The following TRAM1 variants were observed in gnomAD, a reference collection of about 807,000 sequenced individuals.
TRAM1 encodes the protein translocating chain-associated membrane protein 1.
A neutral mutation model predicts 48.7 loss-of-function variants in TRAM1; 17 were observed. The ratio of observed to expected loss-of-function variants is 0.35; its 90% CI spans 0.24 to 0.52. The LOEUF (loss-of-function observed/expected upper bound fraction) is 0.52, where lower values mean the gene tolerates loss of function less well. TRAM1 is among the 20% of genes least tolerant of loss of function. TRAM1 has a pLI of 0.94. For synonymous variants in TRAM1, 182 were observed against 154.0 expected (o/e 1.18, Z -1.34); for missense variants, 351 against 441.5 (o/e 0.79, Z 1.84).
Position 70,580,527 on chromosome 8 carries a change from AG to A in TRAM1, c.1051+2636del, listed in dbSNP as rs983140193. On this transcript the variant is annotated intron_variant, in intron 10 of 10. Coordinates refer to ENST00000262213, the MANE Select transcript of TRAM1 (RefSeq NM_014294.6). The stretch of plus-strand genomic sequence containing the variant: ...CAACCTTCCATGATAAAAACAAACT[AG>A]GAATCAGAGGGGAACTTCCTCAACC... Among the ~76,000 whole-genome samples the A allele has an allele frequency of 2.6e-4, 40 of 152,346 alleles. 1 individual carries two copies. Among genetic ancestry groups the A allele is most frequent in the African/African-American group, 9.4e-4 (39 of 41,576 alleles).
chr8:70,577,936 A>G (rs1460512511), intron 10 of TRAM1, among the ~76,000 whole-genome samples: 2 of 152,228 alleles, frequency 1.3e-5, no homozygotes, highest in Non-Finnish European at 2.9e-5. Context: ...GCTGGTGCCT[A>G]GAGCTGCCTG....
intron 4 of TRAM1, among the ~76,000 whole-genome samples, chr8:70,596,821 A>T (rs1183177717): frequency 1.8e-5 from 2 of 113,120 alleles, no homozygotes; most frequent in Admixed American, 8.8e-5. Flanking sequence ...TGCATATGTA[A>T]AAAAAAAAAA....
At chr8:70,608,030 G>A in intron 1 of TRAM1, 47 bp downstream of exon 1, 4 of 1,539,726 alleles carry the variant, frequency 2.6e-6, no homozygotes, top group Non-Finnish European at 3.5e-6. Context: ...GCCCGGGCCC[G>A]GGCTGGAGGT....
intron 6 of TRAM1, among the ~76,000 whole-genome samples, chr8:70,589,173 A>G (rs1267152869): frequency 7.2e-5 from 11 of 152,338 alleles, no homozygotes; most frequent in Non-Finnish European, 7.4e-5. Context: ...AATTTACAGT[A>G]CTGTATTTTG....
At chr8:70,607,459 C>A (rs1184634589) in intron 1 of TRAM1, 1 of 985,486 alleles carries the variant, frequency 1.0e-6, no homozygotes, top group Non-Finnish European at 1.2e-6. Flanking sequence ...GCCTCCACTG[C>A]GCCGGTGCCC....
rs752203213 is a variant in TRAM1 at position 70,597,961 on chromosome 8, A to G, written c.360T>C (p.Asn120=). 5.0e-6 allele frequency: 8 copies of G among 1,601,206 alleles called. No individual in the cohort carries two copies. Among genetic ancestry groups the G allele is most frequent in the South Asian group, 1.1e-5 (1 of 88,390 alleles). The change falls in exon 4 of 11, where the codon AAT becomes AAC. Residue 120 remains asparagine (N), a synonymous_variant. Coordinates refer to ENST00000262213, the MANE Select transcript of TRAM1 (RefSeq NM_014294.6). ...HFSKTKHSKF[N]ESGQLSAFYL... ...AGAACGCACTAAGCTGACCAGATTCATTAAACTTGCTGTGTTTTGTTTTGG... is the reference window on the plus strand; with the variant it reads ...AGAACGCACTAAGCTGACCAGATTCGTTAAACTTGCTGTGTTTTGTTTTGG...
At chr8:70,586,789 A>C in intron 8 of TRAM1, 106 bp downstream of exon 8, 8 of 898,238 alleles carry the variant, frequency 8.9e-6, no homozygotes, top group Non-Finnish European at 1.4e-5. Context: ...GCGGCTACTG[A>C]TCGCTTAAAA....
At position 70,607,515 on chromosome 8, in the gene TRAM1, T is replaced by A. The variant is rs541729835; in HGVS notation, c.123+562A>T. ...TCGAAAGCAGATGCCTGACTCCGGT[T>A]TCTCGCTCACCCCAATCTCGGAGCT... On this transcript the variant is annotated intron_variant, in intron 1 of 10. Coordinates refer to ENST00000262213, the MANE Select transcript of TRAM1 (RefSeq NM_014294.6). 85 of 984,680 alleles carry A rather than the reference T, an allele frequency of 8.6e-5. No homozygotes were observed. In the South Asian group the frequency reaches 3.2e-3, roughly 38 times the overall value. The allele number at this position is 984,680 out of a possible 1,614,324, so 61.0% of individuals were successfully genotyped here.
At chr8:70,582,525 A>G (rs1029324653) in intron 10 of TRAM1, among the ~76,000 whole-genome samples, 5 of 151,968 alleles carry the variant, frequency 3.3e-5, no homozygotes, top group Admixed American at 6.6e-5. Flanking sequence ...ACTTGAAAAA[A>G]AAAAAAAAAG....
intron 1 of TRAM1, among the ~76,000 whole-genome samples, chr8:70,602,389 G>C (rs910553349): frequency 2.0e-5 from 3 of 152,284 alleles, no homozygotes; most frequent in African/African-American, 7.2e-5. Context: ...AGGGAAAAGG[G>C]AGAAGTTAAA....
At chr8:70,584,680 T>C (rs963416823) in intron 8 of TRAM1, among the ~76,000 whole-genome samples, 17 of 152,282 alleles carry the variant, frequency 1.1e-4, no homozygotes, top group East Asian at 3.9e-4. Flanking sequence ...CCATTCATAA[T>C]TGCTTCAAAG....
intron 1 of TRAM1, among the ~76,000 whole-genome samples, chr8:70,606,301 T>C (rs902298507): frequency 3.9e-5 from 6 of 152,140 alleles, no homozygotes; most frequent in Non-Finnish European, 8.8e-5. Context: ...CAAGTAATTA[T>C]CCCACCTCAG....
At chr8:70,599,870 AT>A in intron 2 of TRAM1, 148 bp downstream of exon 2, 1 of 652,522 alleles carries the variant, frequency 1.5e-6, no homozygotes. Flanking sequence ...CAGATCTTGT[AT>A]TATAAAATCA....
At chr8:70,597,830 T>C (rs904916986) in intron 4 of TRAM1, 65 bp downstream of exon 4, 63 of 1,235,514 alleles carry the variant, frequency 5.1e-5, no homozygotes, top group Non-Finnish European at 6.1e-5. Context: ...TTAATACTAT[T>C]TCATTAGCAG....
chr8:70,601,047 C>T (rs1817598892), intron 1 of TRAM1, among the ~76,000 whole-genome samples: 1 of 152,152 alleles, frequency 6.6e-6, no homozygotes, highest in Non-Finnish European at 1.5e-5. Context: ...TTCACTTTCG[C>T]ACAAGTGGAG....
rs1816872630 is a variant in TRAM1 at position 70,573,732 on chromosome 8, A to AAT, written c.*1198_*1199dup. On this transcript the variant is annotated 3_prime_UTR_variant, in exon 11 of 11. Coordinates refer to ENST00000262213, the MANE Select transcript of TRAM1 (RefSeq NM_014294.6). ...ACAAGATGTGAACACTGAAAAGAACAATATATATACTGTAAATATGATGAA... is the reference window on the plus strand; with the variant it reads ...ACAAGATGTGAACACTGAAAAGAACAATATATATATACTGTAAATATGATGAA... The AAT allele has an allele frequency of 6.6e-6, 1 of 152,588 alleles. No individual in the cohort carries two copies. Among genetic ancestry groups the AAT allele is most frequent in the African/African-American group, 2.4e-5 (1 of 41,444 alleles). The allele number at this position is 152,588 out of a possible 1,614,324, so 9.5% of individuals were successfully genotyped here. A position where few individuals can be genotyped will look rare whatever the true frequency, so the allele number is the denominator to read the frequency against.
At chr8:70,606,149 G>A (rs1418277986) in intron 1 of TRAM1, among the ~76,000 whole-genome samples, 1 of 152,134 alleles carries the variant, frequency 6.6e-6, no homozygotes, top group Non-Finnish European at 1.5e-5. Context: ...AAAGCAGAAA[G>A]TACATGCAAG....
At chr8:70,582,289 AT>A (rs749411995) in intron 10 of TRAM1, among the ~76,000 whole-genome samples, 2,850 of 143,146 alleles carry the variant, frequency 0.02, 85 homozygotes, top group African/African-American at 0.064. Flanking sequence ...AGGTTGTATA[AT>A]TTTTTTTTTT....
At chr8:70,583,349 G>C in intron 9 of TRAM1, 25 bp from the exon 10 acceptor site, 1 of 1,603,758 alleles carries the variant, frequency 6.2e-7, no homozygotes, top group Non-Finnish European at 8.5e-7. Context: ...GACATAAAAA[G>C]TTAGTGTATA....
Sources: gnomAD v4.1 joint callset for allele counts (sites outside exome capture counted in the v4.1 genomes callset) on GRCh38, gnomAD v4.1.1 for gene constraint, MANE v1.5 for transcripts, NCBI Gene and HGNC (gene_info 2026-07-23, HGNC 2026-07-21) for gene names.